MVB12A: variants seen among roughly 807,000 people sequenced by gnomAD.
The protein encoded by MVB12A is CIN85/CD2AP family binding protein.
A neutral mutation model predicts 34.3 loss-of-function variants in MVB12A; 30 were observed. The observed-to-expected ratio is 0.88, with a 90% CI of 0.65 to 1.19. MVB12A has a LOEUF of 1.19. Among genes scored for constraint, MVB12A ranks in the 50% most tolerant of loss-of-function variants. The pLI, the probability that MVB12A is intolerant of heterozygous loss-of-function variation, is 0.00. For synonymous variants in MVB12A, 158 were observed against 158.9 expected, an observed-to-expected ratio of 0.99 and a Z score of 0.04; for missense variants, 355 against 369.2, an observed-to-expected ratio of 0.96 and a Z score of 0.31.
intron 4 of MVB12A, 77 bp from the exon 5 acceptor site, chr19:17,423,421 C>A: frequency 6.6e-7 from 1 of 1,523,622 alleles, no homozygotes; most frequent in Non-Finnish European, 8.8e-7. Flanking sequence ...CCCGGGTCCC[C>A]CGCCTTCTCC....
At chr19:17,416,983 A>ACAG, upstream of MVB12A, 1 of 278,468 alleles carries the variant, frequency 3.6e-6, no homozygotes, top group Admixed American at 4.2e-5. Flanking sequence ...GTGAGCCATC[A>ACAG]CTCCTGGCAT....
At chr19:17,410,927 CAA>C (rs777154734) in intron 2 of MVB12A, among the ~76,000 whole-genome samples, 3 of 86,488 alleles carry the variant, frequency 3.5e-5, no homozygotes, top group South Asian at 4.6e-4. Context: ...GACTCTGTCT[CAA>C]AAAAAAAAAA....
At chr19:17,410,549 T>TAC (rs2074761310) in intron 2 of MVB12A, among the ~76,000 whole-genome samples, 7 of 115,416 alleles carry the variant, frequency 6.1e-5, no homozygotes, top group Admixed American at 4.6e-4. Flanking sequence ...CATATATATA[T>TAC]ACACACACAT....
At chr19:17,420,916 C>G (rs1219482633) in intron 3 of MVB12A, 2 of 646,984 alleles carry the variant, frequency 3.1e-6, no homozygotes, top group Admixed American at 4.2e-5. Flanking sequence ...CTTTTTACAC[C>G]ATAGCCAAGC....
In MVB12A at chr19:17,409,597, C is replaced by T. The variant is rs565028853; in HGVS notation, c.-5+3301C>T. On this transcript the variant is annotated intron_variant, in intron 2 of 6. Transcript: ENST00000528604. ...CCTAGTAGCTGGGATTACAGGCATG[C>T]GCCACCATGCCCGGCTAATTTTGTA... Among the ~76,000 whole-genome samples, 18 of 149,822 alleles carry T rather than the reference C, an allele frequency of 1.2e-4. No homozygotes were observed. In the East Asian group the frequency reaches 2.2e-3, roughly 18 times the overall value.
rs1293853157 is a variant in MVB12A at position 17,420,457 on chromosome 19, C to T, written c.189+46C>T. On this transcript the variant is annotated intron_variant, in intron 2 of 8. Transcript: ENST00000317040. Reference sequence around the variant, plus strand: ...GAACCACCAGGGTCTGCCCACCTCCCCTGCCCATTCACGGTGCCCTATGCC... The same window carrying T: ...GAACCACCAGGGTCTGCCCACCTCCTCTGCCCATTCACGGTGCCCTATGCC... The T allele has an allele frequency of 1.9e-6, 3 of 1,600,940 alleles. No homozygotes were observed. In the African/African-American group the frequency reaches 4.0e-5, roughly 21 times the overall value.
Position 17,420,417 on chromosome 19 carries a change from A to T in MVB12A, c.189+6A>T, listed in dbSNP as rs182545713. 4.7e-5 allele frequency: 76 copies of T among 1,613,530 alleles called. 2 individuals are homozygous for T. In the Admixed American group the frequency reaches 1.2e-3, roughly 26 times the overall value. ...GTTCTCTGGGCAGCCTAGAGGTAAG[A>T]GGTGCCCACCTTCGGAACCACCAGG... On this transcript the variant is annotated splice_donor_region_variant and intron_variant, in intron 2 of 8. Coordinates refer to ENST00000317040, the MANE Select transcript of MVB12A (RefSeq NM_138401.4).
chr19:17,410,603 T>C (rs867797978), intron 2 of MVB12A, among the ~76,000 whole-genome samples: 12 of 138,866 alleles, frequency 8.6e-5, no homozygotes, highest in South Asian at 4.4e-4. Context: ...CATATATATA[T>C]ACACATATAT....
rs1177789351 is a variant in MVB12A at position 17,420,389 on chromosome 19, T to G, written c.167T>G (p.Leu56Arg). The G allele has an allele frequency of 5.6e-6, 9 of 1,613,952 alleles. No homozygotes were observed. The highest frequency in any genetic ancestry group is 1.1e-5 in the South Asian group (1 of 91,072). The change falls in exon 2 of 9, where the codon CTT becomes CGT. Residue 56 changes from leucine (L) to arginine (R), a missense_variant. By Grantham distance (102) the Leu-to-Arg change is moderately radical. Transcript: ENST00000317040. Reference sequence around the variant, plus strand: ...CAGAAATCTGGCTACTTCCTGTGCCTTAGTTCTCTGGGCAGCCTAGAGGTA... The same window carrying G: ...CAGAAATCTGGCTACTTCCTGTGCCGTAGTTCTCTGGGCAGCCTAGAGGTA... ...FAQKSGYFLCLSSLGSLENPQ... is the reference protein window; with the variant it reads ...FAQKSGYFLCRSSLGSLENPQ...
Position 17,423,545 on chromosome 19 carries a change from G to C in MVB12A, c.461G>C (p.Arg154Thr). Reference protein sequence around the residue: ...AIWCKKAKAPRPVPKPRGLSR... With the variant: ...AIWCKKAKAPTPVPKPRGLSR... Reference sequence around the variant, plus strand: ...TGGTGCAAGAAGGCCAAGGCCCCGAGGCCAGTGCCCAAGCCCCGAGGTCTC... The same window carrying C: ...TGGTGCAAGAAGGCCAAGGCCCCGACGCCAGTGCCCAAGCCCCGAGGTCTC... The change falls in exon 5 of 9, where the codon AGG (arginine) becomes ACG (threonine). Residue 154 changes from arginine (R) to threonine (T), a missense_variant. Coordinates refer to ENST00000317040, the MANE Select transcript of MVB12A (RefSeq NM_138401.4). The C allele has an allele frequency of 6.2e-7, 1 of 1,613,964 alleles. No homozygotes were observed. The highest frequency in any genetic ancestry group is 8.5e-7 in the Non-Finnish European group (1 of 1,180,028).
upstream of MVB12A, chr19:17,417,270 C>T (rs370408748): frequency 6.6e-3 from 1,119 of 169,616 alleles, 49 homozygotes; most frequent in South Asian, 0.097. Context: ...CCAGGGTTTG[C>T]GGATTTGATC....
chr19:17,412,667 A>C (rs1467073015), intron 2 of MVB12A, among the ~76,000 whole-genome samples: 1 of 152,238 alleles, frequency 6.6e-6, no homozygotes, highest in African/African-American at 2.4e-5. Context: ...CCATCAACTC[A>C]GAGAAAACAG....
At chr19:17,408,431 T>TTTAATTAA (rs143044472) in intron 2 of MVB12A, among the ~76,000 whole-genome samples, 31 of 148,654 alleles carry the variant, frequency 2.1e-4, no homozygotes, top group African/African-American at 5.4e-4. Context: ...TTTATTTTGT[T>TTTAATTAA]TTAATTAATT....
chr19:17,417,924 T>C (rs895758014), upstream of MVB12A: 16 of 261,914 alleles, frequency 6.1e-5, no homozygotes, highest in African/African-American at 3.4e-4. Flanking sequence ...TGAGATGGAG[T>C]TTCACTCTGT....
intron 3 of MVB12A, chr19:17,420,953 A>G (rs1316720303): frequency 3.6e-6 from 2 of 559,396 alleles, no homozygotes; most frequent in Non-Finnish European, 6.8e-6. Flanking sequence ...TTTCTTTTTC[A>G]TTTCCAGGCT....
At chr19:17,416,773 C>T (rs939788610), upstream of MVB12A, among the ~76,000 whole-genome samples, 1 of 149,372 alleles carries the variant, frequency 6.7e-6, no homozygotes, top group East Asian at 2.0e-4. Flanking sequence ...GATCTTGGCT[C>T]ACTGCAACTT....
intron 1 of MVB12A, chr19:17,405,958 T>G (rs1042829714): frequency 6.3e-6 from 1 of 157,998 alleles, no homozygotes; most frequent in South Asian, 1.6e-4. Flanking sequence ...GCCATCACTG[T>G]TGGTCCGGTC....
At chr19:17,407,014 T>C (rs2074733247) in intron 2 of MVB12A, among the ~76,000 whole-genome samples, 1 of 152,202 alleles carries the variant, frequency 6.6e-6, no homozygotes, top group Admixed American at 6.5e-5. Context: ...TCTGGCCTGC[T>C]AACTTTAGGG....
chr19:17,406,524 GT>G (rs35077774), intron 2 of MVB12A, among the ~76,000 whole-genome samples: 3 of 151,368 alleles, frequency 2.0e-5, no homozygotes, highest in Non-Finnish European at 3.0e-5. Context: ...CCATTTCCAT[GT>G]TTTTTTTTCT....
Sources: allele counts gnomAD v4.1 joint callset (sites outside exome capture counted in the v4.1 genomes callset), GRCh38; gene constraint gnomAD v4.1.1; transcripts MANE v1.5; gene names NCBI Gene and HGNC (gene_info 2026-07-23, HGNC 2026-07-21).